Variants in CENPP observed in about 807,000 individuals in gnomAD.
CENPP encodes the protein centromere protein P.
CENPP carries 24 observed loss-of-function variants against 35.6 expected under a neutral mutation model. That is an observed-to-expected ratio of 0.67 (90% CI 0.49 to 0.95). The LOEUF (loss-of-function observed/expected upper bound fraction) is 0.95. Among genes scored for constraint, CENPP ranks in the 40% least tolerant of loss-of-function variants. CENPP has a pLI of 0.00. For missense variants in CENPP, 332 were observed against 345.3 expected, an observed-to-expected ratio of 0.96 and a Z score of 0.31; for synonymous variants, 120 against 125.5, an observed-to-expected ratio of 0.96 and a Z score of 0.29.
At chr9:92,373,371 T>C (rs1455117447) in intron 4 of CENPP, among the ~76,000 whole-genome samples, 1 of 152,210 alleles carries the variant, frequency 6.6e-6, no homozygotes, top group East Asian at 1.9e-4. Context: ...AGCTTTCAAA[T>C]GTATTTTATA....
chr9:92,417,079 A>C (rs1843637012), intron 5 of CENPP: 1 of 1,613,944 alleles, frequency 6.2e-7, no homozygotes, highest in Non-Finnish European at 8.5e-7. Context: ...GAGATTTAGG[A>C]AGAGGAAATG....
chr9:92,464,511 C>G (rs560766654), intron 5 of CENPP, among the ~76,000 whole-genome samples: 1 of 152,366 alleles, frequency 6.6e-6, no homozygotes, highest in South Asian at 2.1e-4. Context: ...GCTGCCCAGT[C>G]TGGGCTCATA....
At chr9:92,484,965 G>C (rs761774912) in intron 5 of CENPP, among the ~76,000 whole-genome samples, 2 of 152,246 alleles carry the variant, frequency 1.3e-5, no homozygotes, top group African/African-American at 2.4e-5. Context: ...CCTGGAATAA[G>C]ATGCTGGGGT....
At chr9:92,547,080 A>T (rs1416409227) in intron 5 of CENPP, among the ~76,000 whole-genome samples, 1 of 152,214 alleles carries the variant, frequency 6.6e-6, no homozygotes, top group Non-Finnish European at 1.5e-5. Context: ...ATATATTATG[A>T]TTATACTGGG....
chr9:92,359,785 G>A (rs1312741157), intron 4 of CENPP, among the ~76,000 whole-genome samples: 2 of 151,556 alleles, frequency 1.3e-5, no homozygotes, highest in African/African-American at 4.9e-5. Flanking sequence ...CTGGAGGACA[G>A]GGTCCTTTTT....
chr9:92,465,083 C>A, intron 5 of CENPP: 1 of 1,212,186 alleles, frequency 8.2e-7, no homozygotes, highest in South Asian at 1.2e-5. Flanking sequence ...ATAAAGGAAA[C>A]TCACAGTGCA....
At chr9:92,358,952 C>CTTTTT (rs547707825) in intron 4 of CENPP, among the ~76,000 whole-genome samples, 11 of 122,348 alleles carry the variant, frequency 9.0e-5, no homozygotes, top group African/African-American at 1.9e-4. Context: ...TTCTTTCTTT[C>CTTTTT]TTTTTTTTTT....
At chr9:92,540,018 C>G (rs1271072468) in intron 5 of CENPP, among the ~76,000 whole-genome samples, 1 of 152,162 alleles carries the variant, frequency 6.6e-6, no homozygotes, top group Non-Finnish European at 1.5e-5. Flanking sequence ...ATTTTTTAAA[C>G]AGTTTTCACA....
chr9:92,597,608 A>C (rs1850813955), intron 5 of CENPP, among the ~76,000 whole-genome samples: 1 of 152,248 alleles, frequency 6.6e-6, no homozygotes, highest in African/African-American at 2.4e-5. Flanking sequence ...TTATCTCTAA[A>C]GAGTTTCTAG....
At chr9:92,386,313 A>G (rs967497183) in intron 5 of CENPP, 18 of 1,519,648 alleles carry the variant, frequency 1.2e-5, no homozygotes, top group Non-Finnish European at 1.6e-5. Flanking sequence ...GGAAAATTTC[A>G]TGTGAGTGTT....
intron 5 of CENPP, chr9:92,600,573 C>T (rs1850886152): frequency 7.5e-6 from 12 of 1,609,018 alleles, no homozygotes; most frequent in Non-Finnish European, 1.0e-5. Context: ...TGGCACAAGC[C>T]CTTGCGAGGG....
chr9:92,459,778 T>G, intron 5 of CENPP: 1 of 1,612,492 alleles, frequency 6.2e-7, no homozygotes, highest in Non-Finnish European at 8.5e-7. Context: ...AGCCTAAAAA[T>G]GATATAAAAT....
intron 5 of CENPP, among the ~76,000 whole-genome samples, chr9:92,542,951 G>A (rs1317977322): frequency 6.6e-6 from 1 of 152,094 alleles, no homozygotes; most frequent in Non-Finnish European, 1.5e-5. Flanking sequence ...AGTTTTCTCA[G>A]CACCATTTAT....
At chr9:92,390,101 T>C in intron 5 of CENPP, 1 of 1,127,466 alleles carries the variant, frequency 8.9e-7, no homozygotes, top group Non-Finnish European at 1.3e-6. Flanking sequence ...AGTAAAATTC[T>C]TATTGTATGG....
At chr9:92,603,705 C>G (rs767345997) in intron 5 of CENPP, among the ~76,000 whole-genome samples, 7 of 152,170 alleles carry the variant, frequency 4.6e-5, no homozygotes, top group Non-Finnish European at 8.8e-5. Flanking sequence ...CAGAAACTCT[C>G]CACACCCCAC....
chr9:92,423,380 A>G (rs541621751), intron 5 of CENPP, among the ~76,000 whole-genome samples: 1 of 152,300 alleles, frequency 6.6e-6, no homozygotes, highest in South Asian at 2.1e-4. Flanking sequence ...AAAAGTTTCA[A>G]TTGAAATTAC....
At chr9:92,537,978 G>A (rs999011083) in intron 5 of CENPP, among the ~76,000 whole-genome samples, 4 of 152,148 alleles carry the variant, frequency 2.6e-5, no homozygotes, top group Admixed American at 1.3e-4. Flanking sequence ...GGAAAAAAAT[G>A]TTGATGATAT....
intron 5 of CENPP, among the ~76,000 whole-genome samples, chr9:92,563,786 TTCCTCC>T (rs3996298): frequency 2.1e-5 from 3 of 143,024 alleles, no homozygotes; most frequent in Non-Finnish European, 1.5e-5. Flanking sequence ...CCTACCCCTC[TTCCTCC>T]TCCTCCTCCT....
chr9:92,471,354 G>A (rs1343275373), intron 5 of CENPP, among the ~76,000 whole-genome samples: 3 of 151,772 alleles, frequency 2.0e-5, no homozygotes, highest in Non-Finnish European at 2.9e-5. Context: ...GTGCCACCAC[G>A]CCTGGCTAAT....
Sources: gnomAD v4.1 joint callset for allele counts (sites outside exome capture counted in the v4.1 genomes callset) on GRCh38, gnomAD v4.1.1 for gene constraint, MANE v1.5 for transcripts, NCBI Gene and HGNC (gene_info 2026-07-23, HGNC 2026-07-21) for gene names.